CRYBA4: variants seen among roughly 807,000 people sequenced by gnomAD.
The protein encoded by CRYBA4 is crystallin beta A4, also known as beta-crystallin A4.
CRYBA4 carries 30 observed loss-of-function variants against 31.7 expected under a neutral mutation model. The ratio of observed to expected loss-of-function variants is 0.95; its 90% CI spans 0.71 to 1.28. The LOEUF (loss-of-function observed/expected upper bound fraction) is 1.28. Among genes scored for constraint, CRYBA4 ranks in the 50% most tolerant of loss-of-function variants. The pLI, the probability that CRYBA4 is intolerant of heterozygous loss-of-function variation, is 0.00. For missense variants in CRYBA4, 225 were observed against 260.7 expected, an observed-to-expected ratio of 0.86 and a Z score of 0.94; for synonymous variants, 102 against 102.3, an observed-to-expected ratio of 1.00 and a Z score of 0.02.
At chr22:26,600,639 G>C in the CRYBA4 span, among the ~76,000 whole-genome samples, 6 of 152,214 alleles carry the variant, frequency 3.9e-5, no homozygotes, top group African/African-American at 9.6e-5. Context: ...TTCATTTAAA[G>C]TGGTTAGCAC....
upstream of CRYBA4, among the ~76,000 whole-genome samples, chr22:26,621,464 C>G (rs996785507): frequency 6.6e-6 from 1 of 152,338 alleles, no homozygotes; most frequent in South Asian, 2.1e-4. Flanking sequence ...AATGCCTCCT[C>G]TAACGGCAAG....
chr22:26,604,265 C>G, the CRYBA4 span, among the ~76,000 whole-genome samples: 1 of 152,336 alleles, frequency 6.6e-6, no homozygotes, highest in African/African-American at 2.4e-5. Flanking sequence ...TCTCAGTTTC[C>G]TTGCTTTTAA....
chr22:26,594,123 C>A, the CRYBA4 span, among the ~76,000 whole-genome samples: 3 of 152,198 alleles, frequency 2.0e-5, no homozygotes, highest in African/African-American at 7.2e-5. Context: ...TCTTCTCCTG[C>A]TGGAAGGGTG....
chr22:26,597,521 A>C, the CRYBA4 span, among the ~76,000 whole-genome samples: 2 of 152,202 alleles, frequency 1.3e-5, no homozygotes, highest in African/African-American at 4.8e-5. Context: ...TCTGCCTGGA[A>C]TATCATCTCC....
chr22:26,609,906 T>G, the CRYBA4 span, among the ~76,000 whole-genome samples: 307 of 152,124 alleles, frequency 2.0e-3, 10 homozygotes, highest in East Asian at 0.051. Flanking sequence ...TGTTGGGAGA[T>G]TATGAGGGCC....
chr22:26,591,626 A>T, the CRYBA4 span, among the ~76,000 whole-genome samples: 297 of 151,972 alleles, frequency 2.0e-3, 1 homozygote, highest in African/African-American at 6.4e-3. Flanking sequence ...CTGTAGTCCC[A>T]GCTACTCAGG....
the CRYBA4 span, among the ~76,000 whole-genome samples, chr22:26,592,166 T>A: frequency 1.8e-4 from 27 of 152,324 alleles, no homozygotes; most frequent in South Asian, 5.4e-3. Flanking sequence ...ACTGATTTGA[T>A]AGACACATAG....
chr22:26,601,950 C>A, the CRYBA4 span: 1 of 1,613,308 alleles, frequency 6.2e-7, no homozygotes, highest in Admixed American at 1.7e-5. Context: ...GTGCGTCGTC[C>A]CCCTGGATCT....
the CRYBA4 span, among the ~76,000 whole-genome samples, chr22:26,611,515 C>G: frequency 6.6e-6 from 1 of 150,532 alleles, no homozygotes. Context: ...TCGCCCAGGC[C>G]GGACTGCAGA....
intron 3 of CRYBA4, among the ~76,000 whole-genome samples, chr22:26,624,448 C>T (rs79109220): frequency 3.3e-5 from 5 of 152,288 alleles, no homozygotes; most frequent in Middle Eastern, 3.4e-3. Flanking sequence ...CAGTAGCTAC[C>T]ATATTGGATA....
chr22:26,624,841 T>C (rs1052121984), intron 3 of CRYBA4, among the ~76,000 whole-genome samples: 1 of 152,202 alleles, frequency 6.6e-6, no homozygotes, highest in African/African-American at 2.4e-5. Context: ...AAGAGCTGCT[T>C]CCATGCTTCA....
At position 26,630,542 on chromosome 22, in the gene CRYBA4, T is replaced by C. The variant is rs1929898310; in HGVS notation, c.*55T>C. ...GTGCTTATCTGCAATGGAGGCGCTCTGGAGGCTGTGGTGTGTTCTCTCCTT... is the reference window on the plus strand; with the variant it reads ...GTGCTTATCTGCAATGGAGGCGCTCCGGAGGCTGTGGTGTGTTCTCTCCTT... On this transcript the variant is annotated 3_prime_UTR_variant, in exon 6 of 6. Transcript: ENST00000354760. 5 of 1,503,774 alleles carry C rather than the reference T, an allele frequency of 3.3e-6. No individual in the cohort carries two copies. The East Asian group carries it at 6.9e-5, about 21-fold the overall frequency. 93.2% of individuals were successfully genotyped at this position (1,503,774 alleles called of 1,614,324 possible). A position where few individuals can be genotyped will look rare whatever the true frequency, so the allele number is the denominator to read the frequency against.
chr22:26,624,760 T>C (rs1275895694), intron 3 of CRYBA4, among the ~76,000 whole-genome samples: 2 of 152,190 alleles, frequency 1.3e-5, no homozygotes, highest in Non-Finnish European at 2.9e-5. Context: ...GTGTCCCTTG[T>C]CCTACTGGAC....
At chr22:26,598,099 T>A in the CRYBA4 span, among the ~76,000 whole-genome samples, 1 of 152,094 alleles carries the variant, frequency 6.6e-6, no homozygotes, top group Admixed American at 6.5e-5. Flanking sequence ...GCCAGGCTGG[T>A]CTCGAACTCC....
At chr22:26,614,635 T>C in the CRYBA4 span, among the ~76,000 whole-genome samples, 1 of 152,110 alleles carries the variant, frequency 6.6e-6, no homozygotes, top group Non-Finnish European at 1.5e-5. Flanking sequence ...AGGGATCTCA[T>C]AGTAAGTGAA....
At chr22:26,593,231 G>A in the CRYBA4 span, among the ~76,000 whole-genome samples, 3 of 152,206 alleles carry the variant, frequency 2.0e-5, no homozygotes. Context: ...TTTATCAAAA[G>A]CAGGAAGAAT....
chr22:26,616,364 G>A, the CRYBA4 span: 2 of 1,537,900 alleles, frequency 1.3e-6, no homozygotes, highest in Non-Finnish European at 1.8e-6. Flanking sequence ...GGCCTTCAGG[G>A]ATGACACCCC....
intron 4 of CRYBA4, 108 bp from the exon 5 acceptor site, chr22:26,628,180 A>G: frequency 6.5e-7 from 1 of 1,531,952 alleles, no homozygotes; most frequent in Non-Finnish European, 9.0e-7. Flanking sequence ...AAAGGTTTGC[A>G]AGGAAGGCTG....
chr22:26,607,503 G>A, the CRYBA4 span, among the ~76,000 whole-genome samples: 2 of 147,496 alleles, frequency 1.4e-5, no homozygotes, highest in East Asian at 2.1e-4. Context: ...GCTGCAGTGA[G>A]CTATGATCAC....
Sources: allele counts gnomAD v4.1 joint callset (sites outside exome capture counted in the v4.1 genomes callset), GRCh38; gene constraint gnomAD v4.1.1; transcripts MANE v1.5; gene names NCBI Gene and HGNC (gene_info 2026-07-23, HGNC 2026-07-21).